SPPL3: variants seen among roughly 807,000 people sequenced by gnomAD.
The protein encoded by SPPL3 is signal peptide peptidase like 3.
In SPPL3, 5 loss-of-function variants were observed where a neutral mutation model predicts 42.4. The ratio of observed to expected loss-of-function variants is 0.12; its 90% CI spans 0.06 to 0.25. The LOEUF is 0.25. Ranked by LOEUF, SPPL3 falls within the 10% of genes least tolerant of loss-of-function variation. SPPL3 has a pLI of 1.00. For synonymous variants in SPPL3, 195 were observed against 181.8 expected (o/e 1.07, Z -0.58); for missense variants, 235 against 489.0 (o/e 0.48, Z 4.90).
At chr12:120,899,724 C>CA (rs1873915652) in intron 1 of SPPL3, among the ~76,000 whole-genome samples, 1 of 151,668 alleles carries the variant, frequency 6.6e-6, no homozygotes, top group African/African-American at 2.4e-5. Context: ...AATCCCATCT[C>CA]TACTAAAAAT....
In SPPL3 at chr12:120,767,560, G is replaced by C; in HGVS notation, c.807C>G (p.Ile269Met). The change falls in exon 9 of 11, where the codon ATC (isoleucine) becomes ATG (methionine). Residue 269 changes from isoleucine to methionine, a missense_variant. Physicochemically the swap from Ile to Met is conservative, Grantham distance 10. This residue lies in a region of SPPL3 where 20 missense variants were observed against 66.1 expected (regional missense o/e 0.30). Transcript: ENST00000353487. ...GGAGACCAGGCATAACGATGTCTCC[G>C]ATGCCCAACATGGAGAAGTGGCTGC... Reference protein sequence around the residue: ...STGSHFSMLGIGDIVMPGLLL... With the variant: ...STGSHFSMLGMGDIVMPGLLL... The C allele has an allele frequency of 6.2e-7, 1 of 1,614,172 alleles. No individual in the cohort carries two copies. Among genetic ancestry groups the C allele is most frequent in the Non-Finnish European group, 8.5e-7 (1 of 1,180,034 alleles).
chr12:120,767,478 A>C lies in SPPL3; in HGVS notation c.889T>G (p.Cys297Gly). Residue 297 changes from cysteine to glycine, a missense_variant, in exon 9 of 11, where the codon TGT becomes GGT. Physicochemically the swap from Cys to Gly is radical, Grantham distance 159. Around this residue, in one of 6 missense-constraint regions of SPPL3, gnomAD observed 29 missense variants for 16.4 expected, o/e 1.77. Transcript: ENST00000353487. ...ATGTTGGCAGGTCCAGGGGCCCCAC[A>C]GGAGTCCCCACTGGCTTGCTTTTTG... ...NYKKQASGDS[C>G]GAPGPANISG... 1.9e-6 allele frequency: 3 copies of C among 1,614,184 alleles called. No homozygotes were observed. Among genetic ancestry groups the C allele is most frequent in the Non-Finnish European group, 2.5e-6 (3 of 1,180,034 alleles).
chr12:120,816,800 G>A (rs1322704352), intron 1 of SPPL3, among the ~76,000 whole-genome samples: 1 of 152,132 alleles, frequency 6.6e-6, no homozygotes, highest in East Asian at 1.9e-4. Context: ...ATCTTAGGAG[G>A]CCTAATTCCA....
intron 1 of SPPL3, among the ~76,000 whole-genome samples, chr12:120,869,359 G>C (rs1872854124): frequency 6.6e-6 from 1 of 152,184 alleles, no homozygotes; most frequent in Non-Finnish European, 1.5e-5. Context: ...AGAAAATGTA[G>C]TTTATCATGT....
At chr12:120,895,466 T>C (rs549715377) in intron 1 of SPPL3, among the ~76,000 whole-genome samples, 5 of 152,254 alleles carry the variant, frequency 3.3e-5, no homozygotes, top group African/African-American at 1.2e-4. Context: ...TTCATCATCT[T>C]TCTTCTTGTG....
intron 1 of SPPL3, among the ~76,000 whole-genome samples, chr12:120,890,866 A>G (rs1488571190): frequency 6.6e-6 from 1 of 152,198 alleles, no homozygotes; most frequent in African/African-American, 2.4e-5. Flanking sequence ...CGAGGTATCT[A>G]GCTGTGAAGC....
At chr12:120,864,893 G>A (rs1872714873) in intron 1 of SPPL3, among the ~76,000 whole-genome samples, 1 of 152,054 alleles carries the variant, frequency 6.6e-6, no homozygotes, top group Admixed American at 6.6e-5. Context: ...GTGAAACTGG[G>A]TTAAAAAAAT....
chr12:120,887,530 T>C (rs1253528397), intron 1 of SPPL3, among the ~76,000 whole-genome samples: 1 of 152,166 alleles, frequency 6.6e-6, no homozygotes, highest in East Asian at 1.9e-4. Flanking sequence ...GTTAATCACT[T>C]AACCAAAGGG....
At chr12:120,850,492 TAA>T (rs11413210) in intron 1 of SPPL3, among the ~76,000 whole-genome samples, 78,399 of 119,674 alleles carry the variant, frequency 0.66, 24,492 homozygotes, top group East Asian at 0.84. Context: ...GACCAGCCTT[TAA>T]AAAAAAAAAA....
chr12:120,891,895 A>G (rs1416956628), intron 1 of SPPL3, among the ~76,000 whole-genome samples: 1 of 152,232 alleles, frequency 6.6e-6, no homozygotes, highest in African/African-American at 2.4e-5. Context: ...ATGTTCAAGA[A>G]GACTAAGCTG....
chr12:120,885,313 T>C (rs1235947453), intron 1 of SPPL3, among the ~76,000 whole-genome samples: 1 of 152,234 alleles, frequency 6.6e-6, no homozygotes, highest in Non-Finnish European at 1.5e-5. Context: ...AATTCCATAA[T>C]TGTGCACGGG....
At chr12:120,836,988 A>G (rs1871641812) in intron 1 of SPPL3, among the ~76,000 whole-genome samples, 2 of 150,794 alleles carry the variant, frequency 1.3e-5, no homozygotes, top group Non-Finnish European at 3.0e-5. Context: ...AGCTCTCTGC[A>G]TTTTTTTTTT....
intron 1 of SPPL3, among the ~76,000 whole-genome samples, chr12:120,839,052 T>A (rs1871714905): frequency 6.6e-6 from 1 of 152,044 alleles, no homozygotes; most frequent in Non-Finnish European, 1.5e-5. Flanking sequence ...TAAAGACACA[T>A]GCACACGTAT....
At chr12:120,816,758 T>C (rs1299870345) in intron 1 of SPPL3, among the ~76,000 whole-genome samples, 1 of 152,160 alleles carries the variant, frequency 6.6e-6, no homozygotes, top group Non-Finnish European at 1.5e-5. Flanking sequence ...ATTATTAGTG[T>C]TTTTTAAGAT....
At position 120,769,324 on chromosome 12, in the gene SPPL3, T is replaced by G; in HGVS notation, c.503-265A>C. 2 of 328,950 alleles carry G rather than the reference T, an allele frequency of 6.1e-6. 1 individual carries two copies. The highest frequency in any genetic ancestry group is 8.1e-5 in the South Asian group (2 of 24,608). 20.4% of individuals were successfully genotyped at this position (328,950 alleles called of 1,614,324 possible). ...AGACCCAGGAAACCAGTCCAAGACC[T>G]CCAAGCTCTCTTTTCCTGCCTTCCC... On this transcript the variant is annotated intron_variant, in intron 6 of 10. Transcript: ENST00000353487.
chr12:120,839,397 T>C (rs994953618), intron 1 of SPPL3, among the ~76,000 whole-genome samples: 9 of 147,260 alleles, frequency 6.1e-5, no homozygotes, highest in Non-Finnish European at 1.0e-4. Context: ...TTAGGAGATA[T>C]ACCTAATGCT....
intron 1 of SPPL3, chr12:120,845,740 G>C (rs1872009006): frequency 4.1e-6 from 1 of 246,526 alleles, no homozygotes; most frequent in Non-Finnish European, 8.6e-6. Flanking sequence ...GCTCCCACCA[G>C]GGCTGGCTCT....
chr12:120,888,094 TAGAC>T (rs1330164964), intron 1 of SPPL3, among the ~76,000 whole-genome samples: 2 of 152,190 alleles, frequency 1.3e-5, no homozygotes, highest in African/African-American at 4.8e-5. Flanking sequence ...TTGGTTTTTT[TAGAC>T]AGAGTCTTGC....
chr12:120,900,923 CAAAAAA>C (rs11432981), intron 1 of SPPL3, among the ~76,000 whole-genome samples: 25 of 101,522 alleles, frequency 2.5e-4, no homozygotes, highest in African/African-American at 4.9e-4. Flanking sequence ...CCCTGTCTCA[CAAAAAA>C]AAAAAAAAAA....
Sources: allele counts gnomAD v4.1 joint callset (sites outside exome capture counted in the v4.1 genomes callset), GRCh38; gene constraint gnomAD v4.1.1; regional missense constraint gnomAD v4.1.1; transcripts MANE v1.5; gene names NCBI Gene and HGNC (gene_info 2026-07-23, HGNC 2026-07-21).